The following TUBB3 variants were observed in gnomAD, a reference collection of about 807,000 sequenced individuals.
TUBB3 encodes the protein tubulin beta 3 class III.
TUBB3 carries 17 observed loss-of-function variants against 37.8 expected under a neutral mutation model. That is an observed-to-expected ratio of 0.45 (90% confidence interval 0.31 to 0.67). The LOEUF (loss-of-function observed/expected upper bound fraction) is 0.67, where lower values mean the gene tolerates loss of function less well. TUBB3 is among the 30% of genes least tolerant of loss of function. TUBB3 has a pLI of 0.07. For missense variants in TUBB3, 262 were observed against 657.9 expected (o/e 0.40, Z 6.58); for synonymous variants, 332 against 278.9 (o/e 1.19, Z -1.90).
intron 1 of TUBB3, among the ~76,000 whole-genome samples, chr16:89,927,310 G>T (rs1260303462): frequency 6.6e-6 from 1 of 151,880 alleles, no homozygotes; most frequent in Non-Finnish European, 1.5e-5. Context: ...ACCTGGGGGA[G>T]GTGGGCAGAG....
chr16:89,927,595 T>C (rs537473636), intron 1 of TUBB3, among the ~76,000 whole-genome samples: 1 of 152,192 alleles, frequency 6.6e-6, no homozygotes, highest in Non-Finnish European at 1.5e-5. Context: ...AAGTGACCTG[T>C]GCATATGGTT....
chr16:89,929,707 C>T (rs2030211935), intron 1 of TUBB3, among the ~76,000 whole-genome samples: 1 of 152,080 alleles, frequency 6.6e-6, no homozygotes, highest in South Asian at 2.1e-4. Context: ...AGTTTTCTTT[C>T]TTTCTTTTAT....
chr16:89,933,294 C>T, intron 2 of TUBB3, 174 bp from the exon 3 acceptor site: 1 of 742,594 alleles, frequency 1.3e-6, no homozygotes, highest in South Asian at 1.4e-5. Context: ...CACAGTGAGG[C>T]TTAAGGGTGA....
At chr16:89,930,167 C>T (rs899681665) in intron 1 of TUBB3, among the ~76,000 whole-genome samples, 8 of 151,348 alleles carry the variant, frequency 5.3e-5, no homozygotes, top group African/African-American at 1.2e-4. Flanking sequence ...TGCAGTGGCG[C>T]GATCTCGACT....
intron 1 of TUBB3, among the ~76,000 whole-genome samples, chr16:89,928,190 G>A (rs2030152039): frequency 6.6e-6 from 1 of 152,040 alleles, no homozygotes; most frequent in South Asian, 2.1e-4. Flanking sequence ...GAGTAGCTGG[G>A]GCTATAGGCA....
chr16:89,922,810 C>T (rs942202112), upstream of TUBB3: 2 of 152,300 alleles, frequency 1.3e-5, no homozygotes, highest in African/African-American at 4.8e-5. Flanking sequence ...GAGCTCTGAT[C>T]CGACGCTTTG....
upstream of TUBB3, chr16:89,922,753 G>A (rs1440872386): frequency 6.6e-6 from 1 of 151,940 alleles, no homozygotes; most frequent in Non-Finnish European, 1.5e-5. Context: ...GGCGACCCAC[G>A]GAGCTCGCTC....
intron 1 of TUBB3, among the ~76,000 whole-genome samples, chr16:89,929,125 G>T (rs1245959940): frequency 6.6e-6 from 1 of 152,000 alleles, no homozygotes; most frequent in Admixed American, 6.6e-5. Flanking sequence ...ACCACGCCCG[G>T]CTAATTTTTG....
chr16:89,931,928 G>T lies in TUBB3; in HGVS notation c.58-643G>T, dbSNP rs953309240. On this transcript the variant is annotated intron_variant, in intron 1 of 3. Coordinates refer to ENST00000315491, the MANE Select transcript of TUBB3 (RefSeq NM_006086.4). ...GATGCCAGCCTCACACGGACAGGCT[G>T]GGTGACCTCAGGCAAGTCGCTTCCC... 2.3e-5 allele frequency: 8 copies of T among 346,280 alleles called. No individual in the cohort carries two copies. The Admixed American group carries it at 2.7e-4, about 12-fold the overall frequency. 21.5% of individuals were successfully genotyped at this position (346,280 alleles called of 1,614,324 possible).
chr16:89,936,024 C>G lies in TUBB3; in HGVS notation c.*220C>G, dbSNP rs1366866448. ...TTGCAGCTCCAGGCCTGACGTTTTACGGTTTTGTTTTTTACTGGTTTGTGT... is the reference window on the plus strand; with the variant it reads ...TTGCAGCTCCAGGCCTGACGTTTTAGGGTTTTGTTTTTTACTGGTTTGTGT... On this transcript the variant is annotated 3_prime_UTR_variant, in exon 4 of 4. Transcript: ENST00000315491. 1 of 625,958 alleles carries G rather than the reference C, an allele frequency of 1.6e-6. No homozygotes were observed. Among genetic ancestry groups the G allele is most frequent in the Non-Finnish European group, 2.8e-6 (1 of 361,836 alleles). The allele number at this position is 625,958 out of a possible 1,614,324, so 38.8% of individuals were successfully genotyped here.
chr16:89,933,685 T>C, intron 3 of TUBB3, 107 bp downstream of exon 3: 1 of 880,642 alleles, frequency 1.1e-6, no homozygotes, highest in Non-Finnish European at 1.9e-6. Flanking sequence ...GCTCCTCACA[T>C]GATCCTGAAT....
chr16:89,934,698 C>T, intron 3 of TUBB3, 31 bp from the exon 4 acceptor site: 1 of 1,608,656 alleles, frequency 6.2e-7, no homozygotes, highest in Non-Finnish European at 8.5e-7. Flanking sequence ...GTCCCTGGCC[C>T]CTGTCTCTTA....
intron 1 of TUBB3, chr16:89,931,555 G>A (rs927178681): frequency 6.6e-6 from 1 of 152,570 alleles, no homozygotes; most frequent in Non-Finnish European, 1.5e-5. Flanking sequence ...TCTCACCCAG[G>A]GGTGTGGTTC....
At chr16:89,928,764 T>A (rs2030176676) in intron 1 of TUBB3, among the ~76,000 whole-genome samples, 2 of 152,044 alleles carry the variant, frequency 1.3e-5, no homozygotes, top group South Asian at 4.1e-4. Context: ...GACCTCATGA[T>A]CCGCCCACCT....
chr16:89,930,817 T>C (rs922791985), intron 1 of TUBB3, among the ~76,000 whole-genome samples: 15 of 151,612 alleles, frequency 9.9e-5, no homozygotes, highest in African/African-American at 3.6e-4. Context: ...AAGTCACCCC[T>C]TTACGAGAGG....
Position 89,932,691 on chromosome 16 carries a change from C to T in TUBB3, c.166+12C>T, listed in dbSNP as rs374561094. On this transcript the variant is annotated intron_variant, in intron 2 of 3. Coordinates refer to ENST00000315491, the MANE Select transcript of TUBB3 (RefSeq NM_006086.4). ...CAACGAGGCCTCTTGTGAGTGCCTG[C>T]CCCAGCCTCCCTATCCCAGCCCTGG... is the stretch of plus-strand genomic sequence containing the variant. The T allele has an allele frequency of 2.4e-4, 388 of 1,603,650 alleles. 1 individual carries two copies. The highest frequency in any genetic ancestry group is 1.5e-3 in the Middle Eastern group (9 of 6,048).
At chr16:89,933,897 C>T (rs181475248) in intron 3 of TUBB3, 35 of 652,100 alleles carry the variant, frequency 5.4e-5, no homozygotes, top group Middle Eastern at 3.5e-4. Flanking sequence ...GGCCTTGCTG[C>T]GGTCAAGAGA....
In TUBB3 at chr16:89,933,795, G is replaced by C. The variant is rs750403670; in HGVS notation, c.277+217G>C. ...ACCACTCATGCATTTCAAGTGGAAT[G>C]AAGTGTAAAGCAGACAGAAGCTTAC... On this transcript the variant is annotated intron_variant, in intron 3 of 3. Coordinates refer to ENST00000315491, the MANE Select transcript of TUBB3 (RefSeq NM_006086.4). 21 of 703,426 alleles carry C rather than the reference G, an allele frequency of 3.0e-5. No homozygotes were observed. In the African/African-American group the frequency reaches 3.1e-4, roughly 11 times the overall value. The allele number at this position is 703,426 out of a possible 1,614,324, so 43.6% of individuals were successfully genotyped here. A position where few individuals can be genotyped will look rare whatever the true frequency, so the allele number is the denominator to read the frequency against.
Position 89,934,166 on chromosome 16 carries a change from C to G in TUBB3, c.278-563C>G. The G allele has an allele frequency of 1.2e-5, 4 of 334,626 alleles. 1 individual carries two copies. The highest frequency in any genetic ancestry group is 8.5e-5 in the South Asian group (4 of 47,120). 20.7% of individuals were successfully genotyped at this position (334,626 alleles called of 1,614,324 possible). On this transcript the variant is annotated intron_variant, in intron 3 of 3. Coordinates refer to ENST00000315491, the MANE Select transcript of TUBB3 (RefSeq NM_006086.4). ...GGCGGGGCCGTGGATGCCACGTTCCCATGCCTGTGTCCTGGGGCGGGGCCG... is the reference window on the plus strand; with the variant it reads ...GGCGGGGCCGTGGATGCCACGTTCCGATGCCTGTGTCCTGGGGCGGGGCCG...
Sources: allele counts gnomAD v4.1 joint callset (sites outside exome capture counted in the v4.1 genomes callset), GRCh38; gene constraint gnomAD v4.1.1; transcripts MANE v1.5; gene names NCBI Gene and HGNC (gene_info 2026-07-23, HGNC 2026-07-21).